The following CHRNA7 variants were observed in gnomAD, a reference collection of about 807,000 sequenced individuals.
CHRNA7 encodes the protein cholinergic receptor nicotinic alpha 7 subunit, also known as neuronal acetylcholine receptor subunit alpha-7.
A neutral mutation model predicts 48.0 loss-of-function variants in CHRNA7; 17 were observed. The observed-to-expected ratio is 0.35, with a 90% CI of 0.24 to 0.53. The LOEUF (loss-of-function observed/expected upper bound fraction) is 0.53. Among genes scored for constraint, CHRNA7 ranks in the 20% least tolerant of loss-of-function variants. The pLI is 0.92. For synonymous variants in CHRNA7, 75 were observed against 242.3 expected (o/e 0.31, Z 6.41); for missense variants, 155 against 577.7 (o/e 0.27, Z 7.50).
rs373245530 is a variant in CHRNA7 at position 32,047,102 on chromosome 15, C to T, written c.195+16065C>T. On this transcript the variant is annotated intron_variant, in intron 2 of 9. Transcript: ENST00000306901. ...TAGTATATAGTTTGAAGTCAGGTAG[C>T]GTGATGCCTCCAGCTTTGTTCTTTT... 6.2e-4 allele frequency among the ~76,000 whole-genome samples: 90 copies of T among 145,348 alleles called. 2 individuals are homozygous for T. The highest frequency in any genetic ancestry group is 2.2e-3 in the African/African-American group (84 of 37,394).
intron 3 of CHRNA7, 108 bp downstream of exon 3, chr15:32,101,455 A>AAAAG: frequency 8.6e-7 from 1 of 1,163,842 alleles, no homozygotes; most frequent in African/African-American, 1.6e-5. Flanking sequence ...GTTTAGGAAA[A>AAAAG]AAAACCAAAA....
chr15:32,113,662 A>G (rs1415697163), intron 4 of CHRNA7, among the ~76,000 whole-genome samples: 1 of 152,158 alleles, frequency 6.6e-6, no homozygotes, highest in Non-Finnish European at 1.5e-5. Context: ...AAGAGCACAC[A>G]TTCCGTAAAG....
At chr15:32,098,265 C>CGTGCTT (rs1385794372) in intron 2 of CHRNA7, among the ~76,000 whole-genome samples, 34 of 152,090 alleles carry the variant, frequency 2.2e-4, no homozygotes. Flanking sequence ...AGGGTCGGGA[C>CGTGCTT]GTGCTTGCCA....
chr15:32,070,246 C>G (rs1225805595), intron 2 of CHRNA7, among the ~76,000 whole-genome samples: 1 of 152,012 alleles, frequency 6.6e-6, no homozygotes, highest in Non-Finnish European at 1.5e-5. Flanking sequence ...TCTGCAGTTC[C>G]TCCCTTACAC....
intron 2 of CHRNA7, among the ~76,000 whole-genome samples, chr15:32,098,281 C>T (rs1439180835): frequency 6.6e-6 from 1 of 152,010 alleles, no homozygotes; most frequent in African/African-American, 2.4e-5. Flanking sequence ...TGCCAAGGAT[C>T]GAGGAAGGAA....
At chr15:32,056,757 T>C (rs980407673) in intron 2 of CHRNA7, among the ~76,000 whole-genome samples, 2 of 152,238 alleles carry the variant, frequency 1.3e-5, no homozygotes, top group African/African-American at 4.8e-5. Flanking sequence ...TATGTTTCTA[T>C]TTCTTGATTG....
intron 4 of CHRNA7, among the ~76,000 whole-genome samples, chr15:32,135,322 TG>T (rs1250230329): frequency 6.6e-6 from 1 of 152,256 alleles, no homozygotes; most frequent in African/African-American, 2.4e-5. Context: ...AGAATCTATT[TG>T]ACTCATATCA....
At chr15:32,059,944 C>CAAA (rs34200550) in intron 2 of CHRNA7, among the ~76,000 whole-genome samples, 369 of 33,084 alleles carry the variant, frequency 0.011, 36 homozygotes, top group Middle Eastern at 0.056. Context: ...AGTAGAAAAG[C>CAAA]AAAAAAAAAA....
rs996487597 is a variant in CHRNA7 at position 32,032,742 on chromosome 15, T to C, written c.195+1705T>C. ...CCCTGTATTGCCTGGATGGGGGTGA[T>C]GGTGTAGTAGCCCCTCAGTAGAGGA... On this transcript the variant is annotated intron_variant, in intron 2 of 9. Transcript: ENST00000306901. Among the ~76,000 whole-genome samples the C allele has an allele frequency of 2.6e-5, 4 of 151,960 alleles. No homozygotes were observed. The South Asian group carries it at 6.2e-4, about 24-fold the overall frequency.
At chr15:32,030,722 C>G (rs763222194) in intron 1 of CHRNA7, 73 bp downstream of exon 1, 1 of 1,535,658 alleles carries the variant, frequency 6.5e-7, no homozygotes, top group African/African-American at 1.4e-5. Context: ...TCTGTGCGCC[C>G]CGCGCCTGGG....
chr15:32,060,452 A>G (rs2049861299), intron 2 of CHRNA7, among the ~76,000 whole-genome samples: 4 of 152,330 alleles, frequency 2.6e-5, no homozygotes, highest in African/African-American at 9.6e-5. Context: ...CTTGTAAATA[A>G]CCACTGTAAG....
chr15:32,116,414 C>T (rs1452777264), intron 4 of CHRNA7, among the ~76,000 whole-genome samples: 1 of 152,220 alleles, frequency 6.6e-6, no homozygotes, highest in African/African-American at 2.4e-5. Context: ...CATGCTGCTG[C>T]CAGCCAGCTG....
At chr15:32,035,206 T>G (rs961779583) in intron 2 of CHRNA7, among the ~76,000 whole-genome samples, 2 of 152,194 alleles carry the variant, frequency 1.3e-5, no homozygotes, top group Admixed American at 1.3e-4. Context: ...GAAATCATTT[T>G]GAAGTGATGC....
rs1375700064 is a variant in CHRNA7, at chr15:32,079,425, C to T, written c.196-21878C>T. ...ACCCCGTTGTCTCAGCTTCAAATCT[C>T]CTTAAGCTGATAAGAAACTTCAGCA... On this transcript the variant is annotated intron_variant, in intron 2 of 9. Coordinates refer to ENST00000306901, the MANE Select transcript of CHRNA7 (RefSeq NM_000746.6). Among the ~76,000 whole-genome samples, 3 of 152,160 alleles carry T rather than the reference C, an allele frequency of 2.0e-5. No homozygotes were observed. The East Asian group carries it at 5.8e-4, about 29-fold the overall frequency.
intron 4 of CHRNA7, among the ~76,000 whole-genome samples, chr15:32,130,669 T>G (rs1002495729): frequency 7.9e-5 from 12 of 151,904 alleles, no homozygotes; most frequent in Non-Finnish European, 1.8e-4. Flanking sequence ...TGTCTCTTTG[T>G]ACACCTATTT....
In CHRNA7 at chr15:32,030,882, G is replaced by A. The variant is rs761170836; in HGVS notation, c.56-16G>A. On this transcript the variant is annotated splice_polypyrimidine_tract_variant and intron_variant, in intron 1 of 9. Coordinates refer to ENST00000306901, the MANE Select transcript of CHRNA7 (RefSeq NM_000746.6). ...GGCCTGCCCTGAGCCCCCTGCCCGG[G>A]TCTTCTCTCCTTAAGTGTCCCTGCA... 6.2e-7 allele frequency: 1 copy of A among 1,612,806 alleles called. No individual in the cohort carries two copies. The highest frequency in any genetic ancestry group is 1.1e-5 in the South Asian group (1 of 90,952).
At chr15:32,095,234 C>T (rs1311089382) in intron 2 of CHRNA7, among the ~76,000 whole-genome samples, 1 of 152,152 alleles carries the variant, frequency 6.6e-6, no homozygotes, top group Non-Finnish European at 1.5e-5. Flanking sequence ...CCCTGTGGTA[C>T]GAGGACCAGG....
intron 2 of CHRNA7, among the ~76,000 whole-genome samples, chr15:32,078,569 A>ACACC (rs1286460875): frequency 6.6e-6 from 1 of 151,528 alleles, no homozygotes; most frequent in East Asian, 1.9e-4. Flanking sequence ...CTGAACACAT[A>ACACC]CACCCTCCCA....
At chr15:32,037,570 TCTTC>T (rs1020789093) in intron 2 of CHRNA7, among the ~76,000 whole-genome samples, 11 of 151,842 alleles carry the variant, frequency 7.2e-5, no homozygotes, top group Non-Finnish European at 1.0e-4. Context: ...TTTAGTTAGT[TCTTC>T]CTTTATTTTG....
Sources: allele counts gnomAD v4.1 joint callset (sites outside exome capture counted in the v4.1 genomes callset), GRCh38; gene constraint gnomAD v4.1.1; transcripts MANE v1.5; gene names NCBI Gene and HGNC (gene_info 2026-07-23, HGNC 2026-07-21).